AGBL1: variants seen among roughly 807,000 people sequenced by gnomAD.
AGBL1 encodes the protein AGBL carboxypeptidase 1, also known as cytosolic carboxypeptidase 4.
AGBL1 carries 130 observed loss-of-function variants against 118.9 expected under a neutral mutation model. The observed-to-expected ratio is 1.09, with a 90% CI of 0.95 to 1.26. AGBL1 has a LOEUF of 1.26. Ranked by LOEUF, AGBL1 falls within the 50% of genes most tolerant of loss-of-function variation. The pLI is 0.00. For missense variants in AGBL1, 1,584 were observed against 1,298.1 expected (o/e 1.22, Z -3.38); for synonymous variants, 555 against 478.9 (o/e 1.16, Z -2.08).
At chr15:86,228,980 G>T (rs1027828450) in intron 6 of AGBL1, among the ~76,000 whole-genome samples, 3 of 152,040 alleles carry the variant, frequency 2.0e-5, no homozygotes, top group African/African-American at 7.2e-5. Context: ...CCTTGTATCA[G>T]TTCCCCTCTT....
intron 23 of AGBL1, among the ~76,000 whole-genome samples, chr15:86,970,221 A>G (rs2081093180): frequency 6.6e-6 from 1 of 151,886 alleles, no homozygotes; most frequent in South Asian, 2.1e-4. Flanking sequence ...TGAGATCCCA[A>G]TATACTGGGA....
rs1439721073 is a variant in AGBL1 at position 86,575,615 on chromosome 15, A to ATC, written c.2994+21086_2994+21087dup. Among the ~76,000 whole-genome samples, 4 of 152,270 alleles carry ATC rather than the reference A, an allele frequency of 2.6e-5. No individual in the cohort carries two copies. The East Asian group carries it at 7.7e-4, about 29-fold the overall frequency. ...AAAAAAAATTATTTTTAGAGACAAG[A>ATC]TCTCTCTCTGTCACCCAGGCTGGAG... is the stretch of plus-strand genomic sequence containing the variant. On this transcript the variant is annotated intron_variant, in intron 21 of 22. Coordinates refer to ENST00000614907, the MANE Select transcript of AGBL1 (RefSeq NM_001386094.1).
chr15:86,569,570 C>T (rs953986797), intron 21 of AGBL1, among the ~76,000 whole-genome samples: 5 of 152,142 alleles, frequency 3.3e-5, no homozygotes, highest in African/African-American at 1.2e-4. Flanking sequence ...AAAACTTCTT[C>T]GGATATGATC....
chr15:86,482,514 TC>T (rs1157639642), intron 18 of AGBL1, among the ~76,000 whole-genome samples: 1 of 152,156 alleles, frequency 6.6e-6, no homozygotes, highest in Non-Finnish European at 1.5e-5. Flanking sequence ...TTTTTTCTCC[TC>T]CTATTTCATC....
At chr15:86,521,451 A>G (rs1022115458) in intron 18 of AGBL1, among the ~76,000 whole-genome samples, 1 of 152,136 alleles carries the variant, frequency 6.6e-6, no homozygotes, top group Non-Finnish European at 1.5e-5. Context: ...GGAGGCTCCT[A>G]GTCTAATTGG....
intron 5 of AGBL1, among the ~76,000 whole-genome samples, chr15:86,215,320 C>T (rs928405722): frequency 2.6e-5 from 4 of 151,642 alleles, no homozygotes; most frequent in Non-Finnish European, 5.9e-5. Flanking sequence ...GGCGCTGTAG[C>T]AGATGGTATT....
chr15:86,325,235 T>C (rs1489427273), intron 17 of AGBL1, among the ~76,000 whole-genome samples: 6 of 152,152 alleles, frequency 3.9e-5, no homozygotes, highest in Admixed American at 1.3e-4. Flanking sequence ...TTGGGAATTC[T>C]AGGAAGAAAT....
chr15:86,730,994 AT>A (rs907712124), intron 22 of AGBL1, among the ~76,000 whole-genome samples: 3 of 151,660 alleles, frequency 2.0e-5, no homozygotes, highest in South Asian at 2.1e-4. Flanking sequence ...TGCCAAGCTA[AT>A]TTTTTTTATA....
rs1173882174 is a variant in AGBL1, at chr15:86,913,058, TA to T, written c.*5769del. The T allele has an allele frequency of 5.3e-5, 8 of 152,124 alleles. No individual in the cohort carries two copies. The highest frequency in any genetic ancestry group is 5.2e-4 in the Admixed American group (8 of 15,270). The allele number at this position is 152,124 out of a possible 1,614,324, so 9.4% of individuals were successfully genotyped here. A position where few individuals can be genotyped will look rare whatever the true frequency, so the allele number is the denominator to read the frequency against. ...AGAGTGGTAAAAGGGAATTTTGAGA[TA>T]AAAATGGATTCTATTACAACCTTTC... On this transcript the variant is annotated 3_prime_UTR_variant, in exon 23 of 23. Transcript: ENST00000614907.
intron 3 of AGBL1, among the ~76,000 whole-genome samples, chr15:86,146,704 A>C (rs2077038271): frequency 6.6e-6 from 1 of 152,216 alleles, no homozygotes; most frequent in Admixed American, 6.5e-5. Flanking sequence ...TCAAGGGGTT[A>C]TAGTCCTTGA....
rs554016037 is a variant in AGBL1, at chr15:86,503,334, T to C, written c.2556-19476T>C. On this transcript the variant is annotated intron_variant, in intron 18 of 22. Transcript: ENST00000614907. ...ATAATTTACATCTTTTCTTCCTTTTTTTCCTTGTCAGTTTGACAAAAAGGT... is the reference window on the plus strand; with the variant it reads ...ATAATTTACATCTTTTCTTCCTTTTCTTCCTTGTCAGTTTGACAAAAAGGT... Among the ~76,000 whole-genome samples, 21 of 151,546 alleles carry C rather than the reference T, an allele frequency of 1.4e-4. No individual in the cohort carries two copies. In the East Asian group the frequency reaches 3.3e-3, roughly 24 times the overall value.
intron 22 of AGBL1, among the ~76,000 whole-genome samples, chr15:86,805,111 G>A (rs551751370): frequency 6.6e-6 from 1 of 152,136 alleles, no homozygotes; most frequent in East Asian, 1.9e-4. Context: ...TTGGTTAGCT[G>A]AGCAGAGCTG....
chr15:86,631,634 C>T (rs2084968567), intron 21 of AGBL1, among the ~76,000 whole-genome samples: 1 of 152,170 alleles, frequency 6.6e-6, no homozygotes, highest in African/African-American at 2.4e-5. Context: ...GGGCAGCCTG[C>T]TAATGGAACC....
intron 5 of AGBL1, among the ~76,000 whole-genome samples, chr15:86,188,968 A>G (rs1273910038): frequency 6.6e-6 from 1 of 152,240 alleles, no homozygotes; most frequent in Non-Finnish European, 1.5e-5. Context: ...CTAGAAAAGG[A>G]TGAATTAACT....
downstream of AGBL1, among the ~76,000 whole-genome samples, chr15:86,917,994 T>A (rs181858010): frequency 3.3e-5 from 5 of 152,340 alleles, no homozygotes; most frequent in Admixed American, 2.0e-4. This position sits in a 1 kb window ranked among gnomAD's most constrained non-coding sequence, Gnocchi z 4.8. Context: ...GTTCTCATTA[T>A]ATTTTGCATA....
In AGBL1 at chr15:86,240,278, T is replaced by C. The variant is rs553535019; in HGVS notation, c.527-7393T>C. Among the ~76,000 whole-genome samples, 6 of 152,364 alleles carry C rather than the reference T, an allele frequency of 3.9e-5. No homozygotes were observed. In the East Asian group the frequency reaches 1.2e-3, roughly 29 times the overall value. ...TAGTAAATAAATATTCACGTTGTAA[T>C]GTGTTCTGATGGCAGACAGCTTATT... On this transcript the variant is annotated intron_variant, in intron 6 of 22. Transcript: ENST00000614907.
In AGBL1 at chr15:86,616,552, C is replaced by A. The variant is rs552128036; in HGVS notation, c.2995-57721C>A. ...CAATGGGTAAATATAGAACTAGACA[C>A]CTCTTGTCTGATTTTGTTATTGATT... On this transcript the variant is annotated intron_variant, in intron 21 of 22. Transcript: ENST00000614907. Among the ~76,000 whole-genome samples the A allele has an allele frequency of 2.6e-5, 4 of 152,144 alleles. No individual in the cohort carries two copies. In the East Asian group the frequency reaches 7.7e-4, roughly 29 times the overall value.
intron 23 of AGBL1, among the ~76,000 whole-genome samples, chr15:86,926,966 C>A (rs577595019): frequency 4.0e-5 from 6 of 151,834 alleles, no homozygotes; most frequent in African/African-American, 1.5e-4. Flanking sequence ...TAGTGTAACC[C>A]GTCTCTACTA....
intron 5 of AGBL1, among the ~76,000 whole-genome samples, chr15:86,186,589 C>T (rs1397248562): frequency 1.3e-5 from 2 of 152,164 alleles, no homozygotes; most frequent in East Asian, 3.9e-4. Context: ...AAAATGCTTG[C>T]TATGGGAGTG....
Sources: allele counts gnomAD v4.1 joint callset (sites outside exome capture counted in the v4.1 genomes callset), GRCh38; gene constraint gnomAD v4.1.1; non-coding constraint Gnocchi (gnomAD v3.1); transcripts MANE v1.5; gene names NCBI Gene and HGNC (gene_info 2026-07-23, HGNC 2026-07-21).